SCFD2: variants seen among roughly 807,000 people sequenced by gnomAD.
SCFD2 encodes sec1 family domain-containing protein 2.
SCFD2 carries 54 observed loss-of-function variants against 58.9 expected under a neutral mutation model. That is an observed-to-expected ratio of 0.92 (90% CI 0.74 to 1.15). The LOEUF is 1.15. Ranked by LOEUF, SCFD2 falls within the 50% of genes most tolerant of loss-of-function variation. SCFD2 has a pLI of 0.00. For missense variants in SCFD2, 805 were observed against 836.6 expected (o/e 0.96, Z 0.47); for synonymous variants, 321 against 335.9 (o/e 0.96, Z 0.49).
At chr4:52,907,662 A>T in intron 6 of SCFD2, 71 bp from the exon 7 acceptor site, 1 of 1,485,032 alleles carries the variant, frequency 6.7e-7, no homozygotes, top group South Asian at 1.1e-5. Context: ...TTTATCTGCA[A>T]TGAAGAAAGC....
chr4:52,883,585 T>C (rs568485952), intron 8 of SCFD2, among the ~76,000 whole-genome samples: 5 of 152,310 alleles, frequency 3.3e-5, no homozygotes, highest in East Asian at 3.9e-4. Context: ...TCACAGGACT[T>C]TGAAAACGTC....
At position 53,237,376 on chromosome 4, in the gene SCFD2, T is replaced by C. The variant is rs1329943832; in HGVS notation, c.1311+36450A>G. On this transcript the variant is annotated intron_variant, in intron 4 of 8. Transcript: ENST00000401642. ...TGGCTACACCTCCCAGACGGGGTGGTGGCCGGGCAGACGGGCTCCTCACTT... is the reference window on the plus strand; with the variant it reads ...TGGCTACACCTCCCAGACGGGGTGGCGGCCGGGCAGACGGGCTCCTCACTT... Among the ~76,000 whole-genome samples, 3 of 150,778 alleles carry C rather than the reference T, an allele frequency of 2.0e-5. No individual in the cohort carries two copies. The East Asian group carries it at 5.9e-4, about 30-fold the overall frequency.
At chr4:53,302,990 T>TA (rs1253189959) in intron 3 of SCFD2, among the ~76,000 whole-genome samples, 3 of 152,068 alleles carry the variant, frequency 2.0e-5, no homozygotes, top group African/African-American at 7.2e-5. Flanking sequence ...CCTAAAACCA[T>TA]AAAAACCCTA....
At chr4:53,238,541 G>C (rs1427492218) in intron 4 of SCFD2, among the ~76,000 whole-genome samples, 1 of 151,014 alleles carries the variant, frequency 6.6e-6, no homozygotes, top group Admixed American at 6.6e-5. Flanking sequence ...GCTGCCGGGC[G>C]GAGACGCTCC....
At chr4:53,161,559 A>T (rs894656261) in intron 4 of SCFD2, among the ~76,000 whole-genome samples, 2 of 152,182 alleles carry the variant, frequency 1.3e-5, no homozygotes, top group African/African-American at 2.4e-5. Context: ...GTTTTAAGGG[A>T]GATATAAACT....
intron 7 of SCFD2, among the ~76,000 whole-genome samples, chr4:52,891,481 C>A (rs1718875431): frequency 6.6e-6 from 1 of 152,214 alleles, no homozygotes; most frequent in African/African-American, 2.4e-5. Flanking sequence ...CACACAGAGA[C>A]ACAGAGGCTT....
chr4:53,112,232 A>G (rs1007462231), intron 5 of SCFD2, among the ~76,000 whole-genome samples: 4 of 152,174 alleles, frequency 2.6e-5, no homozygotes, highest in African/African-American at 7.2e-5. Context: ...AAACGAAGGG[A>G]AAAGAGAATG....
chr4:52,958,086 A>G (rs1014336928), intron 5 of SCFD2: 5 of 152,240 alleles, frequency 3.3e-5, no homozygotes, highest in Non-Finnish European at 5.9e-5. Flanking sequence ...ATAGTCAGAC[A>G]CAAAGGAAAA....
chr4:53,134,687 G>C (rs949667153), intron 5 of SCFD2, among the ~76,000 whole-genome samples: 2 of 152,198 alleles, frequency 1.3e-5, no homozygotes, highest in Admixed American at 6.5e-5. Context: ...GCTGTAGCTA[G>C]AAAACATACC....
chr4:53,213,253 A>T (rs1172898048), intron 4 of SCFD2, among the ~76,000 whole-genome samples: 6 of 152,154 alleles, frequency 3.9e-5, no homozygotes, highest in Non-Finnish European at 8.8e-5. Context: ...AAAGATAGAA[A>T]TCAAAATCAC....
At chr4:53,303,967 G>A (rs1449372589) in intron 3 of SCFD2, among the ~76,000 whole-genome samples, 2 of 123,736 alleles carry the variant, frequency 1.6e-5, no homozygotes, top group Non-Finnish European at 3.2e-5. Context: ...TGGGGGGAGG[G>A]GGGAGGGATA....
chr4:53,351,940 T>C (rs1187982537), intron 2 of SCFD2, among the ~76,000 whole-genome samples: 1 of 152,182 alleles, frequency 6.6e-6, no homozygotes, highest in Admixed American at 6.5e-5. Context: ...AAAAAACAGA[T>C]ACACTTACAT....
intron 5 of SCFD2, among the ~76,000 whole-genome samples, chr4:53,043,777 TA>T (rs1476900638): frequency 1.2e-4 from 19 of 152,172 alleles, no homozygotes; most frequent in Non-Finnish European, 2.4e-4. Context: ...TTTAAATATT[TA>T]AAAAATGAAC....
chr4:53,232,530 C>G (rs1729471028), intron 4 of SCFD2, among the ~76,000 whole-genome samples: 1 of 152,074 alleles, frequency 6.6e-6, no homozygotes, highest in Non-Finnish European at 1.5e-5. Context: ...TATGTAATTG[C>G]CCAGCTGTGG....
intron 4 of SCFD2, among the ~76,000 whole-genome samples, chr4:53,216,227 G>C (rs1056880105): frequency 6.6e-6 from 1 of 152,192 alleles, no homozygotes; most frequent in Non-Finnish European, 1.5e-5. Flanking sequence ...AATGGTACCA[G>C]CTCCTCCTTG....
intron 4 of SCFD2, among the ~76,000 whole-genome samples, chr4:53,188,900 G>A (rs547326113): frequency 1.3e-5 from 2 of 152,216 alleles, no homozygotes; most frequent in African/African-American, 4.8e-5. Flanking sequence ...CCCCTTCTCT[G>A]AATAATAGCA....
At chr4:53,168,673 T>C (rs2148934252) in intron 4 of SCFD2, among the ~76,000 whole-genome samples, 1 of 152,342 alleles carries the variant, frequency 6.6e-6, no homozygotes, top group Admixed American at 6.5e-5. Flanking sequence ...TGTTATGATA[T>C]ATGTATAGAA....
At chr4:53,136,919 T>C (rs1299530764) in intron 5 of SCFD2, among the ~76,000 whole-genome samples, 1 of 152,216 alleles carries the variant, frequency 6.6e-6, no homozygotes, top group Non-Finnish European at 1.5e-5. Flanking sequence ...ACAGAATAGA[T>C]CATTATTTCA....
At chr4:53,079,912 T>C (rs954410582) in intron 5 of SCFD2, among the ~76,000 whole-genome samples, 2 of 152,198 alleles carry the variant, frequency 1.3e-5, no homozygotes, top group African/African-American at 4.8e-5. Flanking sequence ...ATAGAAAACA[T>C]ATATAAGATT....
Sources: gnomAD v4.1 joint callset for allele counts (sites outside exome capture counted in the v4.1 genomes callset) on GRCh38, gnomAD v4.1.1 for gene constraint, MANE v1.5 for transcripts, NCBI Gene and HGNC (gene_info 2026-07-23, HGNC 2026-07-21) for gene names.